VSIG10: variants seen among roughly 807,000 people sequenced by gnomAD.
The protein encoded by VSIG10 is V-set and immunoglobulin domain containing 10.
VSIG10 carries 48 observed loss-of-function variants against 58.7 expected under a neutral mutation model. That is an observed-to-expected ratio of 0.82 (90% CI 0.65 to 1.04). The LOEUF (loss-of-function observed/expected upper bound fraction) is 1.04. VSIG10 is among the 50% of genes least tolerant of loss of function. The probability of loss-of-function intolerance (pLI) is 0.00; values close to 1 mark genes in which losing one functional copy is unlikely to be tolerated. For synonymous variants in VSIG10, 260 were observed against 267.1 expected (o/e 0.97, Z 0.26); for missense variants, 628 against 670.0 (o/e 0.94, Z 0.69).
At position 118,079,363 on chromosome 12, in the gene VSIG10, C is replaced by T. The variant is rs762209575; in HGVS notation, c.908G>A (p.Ser303Asn). The change falls in exon 4 of 9, where the codon AGC becomes AAC. Residue 303 changes from serine to asparagine, a missense_variant. By Grantham distance (46) the Ser-to-Asn change is conservative. Coordinates refer to ENST00000359236, the MANE Select transcript of VSIG10 (RefSeq NM_019086.6). Reference sequence around the variant, plus strand: ...AGACTCACTGATCTGCACCATGCAGCTGGCGCCCGACTCTGGCCCAACTAT... The same window carrying T: ...AGACTCACTGATCTGCACCATGCAGTTGGCGCCCGACTCTGGCCCAACTAT... ...SHIVGPESGA[S>N]CMVQIRGPSL... is the part of the protein sequence containing the mutation. 6.2e-7 allele frequency: 1 copy of T among 1,614,012 alleles called. No homozygotes were observed. The highest frequency in any genetic ancestry group is 1.3e-5 in the African/African-American group (1 of 75,062).
chr12:118,099,734 G>C (rs2137961309), intron 1 of VSIG10, among the ~76,000 whole-genome samples: 1 of 152,312 alleles, frequency 6.6e-6, no homozygotes, highest in Middle Eastern at 3.4e-3. Flanking sequence ...AATTATATCT[G>C]AATAAAGCTG....
intron 3 of VSIG10, among the ~76,000 whole-genome samples, chr12:118,080,675 G>A (rs376220670): frequency 2.0e-5 from 3 of 152,138 alleles, no homozygotes; most frequent in South Asian, 2.1e-4. Flanking sequence ...CGCAAGGAAC[G>A]GACTATTATT....
rs377157958 is a variant in VSIG10, at chr12:118,071,014, G to A, written c.1346+38C>T. The A allele has an allele frequency of 4.1e-5, 65 of 1,596,516 alleles. 1 individual carries two copies. The highest frequency in any genetic ancestry group is 1.3e-4 in the East Asian group (6 of 44,554). ...ACAAAACAGAAGTGAAGACAGATGC[G>A]GGAATGGGTGTTTGGTTTGATTCTA... On this transcript the variant is annotated intron_variant, in intron 7 of 8. Transcript: ENST00000359236.
chr12:118,096,578 CA>C (rs371525608), intron 1 of VSIG10, among the ~76,000 whole-genome samples: 5,101 of 116,722 alleles, frequency 0.044, 317 homozygotes, highest in African/African-American at 0.15. Flanking sequence ...AACTCCGTCT[CA>C]AAAAAAAAAA....
At chr12:118,092,114 A>T (rs2033317430) in intron 2 of VSIG10, among the ~76,000 whole-genome samples, 3 of 152,080 alleles carry the variant, frequency 2.0e-5, no homozygotes, top group Admixed American at 6.6e-5. Flanking sequence ...GGTGGAGTAC[A>T]GTGGCACCAT....
intron 1 of VSIG10, chr12:118,101,581 G>A (rs1407472095): frequency 3.9e-5 from 6 of 152,132 alleles, no homozygotes; most frequent in Non-Finnish European, 8.8e-5. Context: ...TGCTGCCCAT[G>A]TATTATTATT....
At chr12:118,088,282 T>C (rs920029184) in intron 2 of VSIG10, among the ~76,000 whole-genome samples, 1 of 150,720 alleles carries the variant, frequency 6.6e-6, no homozygotes, top group African/African-American at 2.4e-5. Context: ...AACTGGTTGA[T>C]TGTTGAGAAC....
intron 1 of VSIG10, among the ~76,000 whole-genome samples, chr12:118,100,247 G>A (rs1460502227): frequency 6.6e-6 from 1 of 152,144 alleles, no homozygotes; most frequent in Non-Finnish European, 1.5e-5. Flanking sequence ...GCTCCTGCCT[G>A]TAACCCCAGC....
At chr12:118,103,551 C>A in intron 1 of VSIG10, 42 bp downstream of exon 1, 1 of 1,494,148 alleles carries the variant, frequency 6.7e-7, no homozygotes. Flanking sequence ...CCACCGCTGA[C>A]TGGGAAAACT....
At chr12:118,082,667 G>C (rs1310087192) in intron 2 of VSIG10, among the ~76,000 whole-genome samples, 1 of 151,972 alleles carries the variant, frequency 6.6e-6, no homozygotes, top group South Asian at 2.1e-4. Flanking sequence ...AGTATACATT[G>C]CTCCTTTAAA....
Position 118,073,730 on chromosome 12 carries a change from C to A in VSIG10, c.1188G>T (p.Val396=). 1 of 1,613,284 alleles carries A rather than the reference C, an allele frequency of 6.2e-7. No homozygotes were observed. The change falls in exon 5 of 9, where the codon GTG becomes GTT. Residue 396 remains valine (V), a synonymous_variant. Coordinates refer to ENST00000359236, the MANE Select transcript of VSIG10 (RefSeq NM_019086.6). ...YICRADSPVG[V]REMEIWLSVK... is the part of the protein sequence containing the mutation. Reference sequence around the variant, plus strand: ...CACTCAGCCAGATTTCCATCTCCCTCACCCCTACAGGGCTGTCAGCTCGGC... The same window carrying A: ...CACTCAGCCAGATTTCCATCTCCCTAACCCCTACAGGGCTGTCAGCTCGGC...
chr12:118,091,124 G>T (rs553486137), intron 2 of VSIG10, among the ~76,000 whole-genome samples: 16 of 151,846 alleles, frequency 1.1e-4, no homozygotes, highest in African/African-American at 3.9e-4. Flanking sequence ...GACAGAGGGA[G>T]AATCTGTCTC....
intron 2 of VSIG10, among the ~76,000 whole-genome samples, chr12:118,085,394 G>A (rs7486649): frequency 0.15 from 22,140 of 152,190 alleles, 1,869 homozygotes; most frequent in African/African-American, 0.24. Flanking sequence ...GCTCACGTGC[G>A]AGCTGGTTCC....
intron 2 of VSIG10, among the ~76,000 whole-genome samples, chr12:118,086,425 G>C (rs1327663262): frequency 2.0e-5 from 3 of 152,004 alleles, no homozygotes; most frequent in Non-Finnish European, 1.5e-5. Context: ...CCGAGATCAT[G>C]CCAGTGTGGG....
In VSIG10 at chr12:118,073,836, T is replaced by C. The variant is rs2032600531; in HGVS notation, c.1082A>G (p.His361Arg). 1.9e-6 allele frequency: 3 copies of C among 1,613,960 alleles called. No individual in the cohort carries two copies. The highest frequency in any genetic ancestry group is 2.7e-5 in the African/African-American group (2 of 75,058). ...GTTCTGGCCATCCTGGGTAATGAGATGGCGGCTGCTAGGCTGGATGATCAC... is the reference window on the plus strand; with the variant it reads ...GTTCTGGCCATCCTGGGTAATGAGACGGCGGCTGCTAGGCTGGATGATCAC... ...PEVIIQPSSR[H>R]LITQDGQNST... The change falls in exon 5 of 9, where the codon CAT becomes CGT. Residue 361 changes from histidine to arginine, a missense_variant. His to Arg is a conservative substitution (Grantham distance 29). Coordinates refer to ENST00000359236, the MANE Select transcript of VSIG10 (RefSeq NM_019086.6).
rs184595922 is a variant in VSIG10, at chr12:118,086,504, C to G, written c.362-4075G>C. On this transcript the variant is annotated intron_variant, in intron 2 of 8. Coordinates refer to ENST00000359236, the MANE Select transcript of VSIG10 (RefSeq NM_019086.6). The stretch of plus-strand genomic sequence containing the variant: ...ATATGGGAAAGGCTGTGACACCTTC[C>G]CTATCTGACCAGCCTGTCTGCAGGT... Among the ~76,000 whole-genome samples, 242 of 152,164 alleles carry G rather than the reference C, an allele frequency of 1.6e-3. 2 individuals carry two copies. Among genetic ancestry groups the G allele is most frequent in the Non-Finnish European group, 2.7e-3 (185 of 68,004 alleles).
chr12:118,094,072 C>T (rs2033375250), intron 2 of VSIG10, among the ~76,000 whole-genome samples: 1 of 152,118 alleles, frequency 6.6e-6, no homozygotes, highest in African/African-American at 2.4e-5. Context: ...CAGCCTTCGC[C>T]CTGGAATTCA....
chr12:118,065,811 G>A lies in VSIG10; in HGVS notation c.*828C>T, dbSNP rs553630581. The A allele has an allele frequency of 1.3e-5, 2 of 152,210 alleles. No homozygotes were observed. The highest frequency in any genetic ancestry group is 6.5e-5 in the Admixed American group (1 of 15,290). 9.4% of individuals were successfully genotyped at this position (152,210 alleles called of 1,614,324 possible). On this transcript the variant is annotated 3_prime_UTR_variant, in exon 9 of 9. Coordinates refer to ENST00000359236, the MANE Select transcript of VSIG10 (RefSeq NM_019086.6). ...GATGTGTGTGCTTGGTTTTTTTGCT[G>A]AGACCCAAATGTTGCCAGTGCAATC...
intron 1 of VSIG10, 23 bp from the exon 2 acceptor site, chr12:118,095,837 G>A: frequency 6.3e-7 from 1 of 1,583,040 alleles, no homozygotes; most frequent in Non-Finnish European, 8.6e-7. Flanking sequence ...AGATCAGGCT[G>A]TTACTACCCT....
Sources: gnomAD v4.1 joint callset for allele counts (sites outside exome capture counted in the v4.1 genomes callset) on GRCh38, gnomAD v4.1.1 for gene constraint, MANE v1.5 for transcripts, NCBI Gene and HGNC (gene_info 2026-07-23, HGNC 2026-07-21) for gene names.